The following SLC12A1 variants were observed in gnomAD, a reference collection of about 807,000 sequenced individuals.
The protein encoded by SLC12A1 is solute carrier family 12 member 1.
Under a neutral mutation model 130.4 loss-of-function variants are expected in SLC12A1, and 89 were observed. The observed-to-expected ratio is 0.68, with a 90% CI of 0.58 to 0.81. The LOEUF (loss-of-function observed/expected upper bound fraction) is 0.81, where lower values mean the gene tolerates loss of function less well. Ranked by LOEUF, SLC12A1 falls within the 40% of genes least tolerant of loss-of-function variation. SLC12A1 has a pLI of 0.00. For missense variants in SLC12A1, 1,310 were observed against 1,336.4 expected, an observed-to-expected ratio of 0.98 and a Z score of 0.31; for synonymous variants, 499 against 460.0, an observed-to-expected ratio of 1.08 and a Z score of -1.09.
intron 2 of SLC12A1, among the ~76,000 whole-genome samples, chr15:48,214,624 A>G (rs960890615): frequency 9.9e-5 from 15 of 152,244 alleles, no homozygotes; most frequent in Non-Finnish European, 1.9e-4. Flanking sequence ...AGGGATAGAA[A>G]TGTATAAACA....
intron 23 of SLC12A1, among the ~76,000 whole-genome samples, chr15:48,290,768 C>T (rs183602839): frequency 1.2e-3 from 175 of 151,804 alleles, no homozygotes; most frequent in Non-Finnish European, 1.8e-3. Context: ...TATTTGTATG[C>T]TAATATTATA....
chr15:48,296,033 G>A (rs1217302819), intron 24 of SLC12A1, among the ~76,000 whole-genome samples: 1 of 152,176 alleles, frequency 6.6e-6, no homozygotes, highest in African/African-American at 2.4e-5. Flanking sequence ...CTTCCTCTGG[G>A]CTGATGCAGC....
intron 5 of SLC12A1, chr15:48,228,165 A>C (rs760170165): frequency 6.6e-6 from 1 of 151,808 alleles, no homozygotes; most frequent in Non-Finnish European, 1.5e-5. Context: ...TGATAATCAG[A>C]CCTCCTAACA....
At position 48,299,171 on chromosome 15, in the gene SLC12A1, T is replaced by C. The variant is rs780002874; in HGVS notation, c.2992T>C (p.Tyr998His). Reference protein sequence around the residue: ...WKVFEEMIEPYRLHESCKDLT... With the variant: ...WKVFEEMIEPHRLHESCKDLT... ...AGTCTTTGAAGAGATGATTGAACCA[T>C]ATCGTCTCCATGAAAGCTGCAAAGA... Residue 998 changes from tyrosine to histidine, a missense_variant, in exon 25 of 27, where the codon TAT (tyrosine) becomes CAT (histidine). Tyr to His is a moderately conservative substitution (Grantham distance 83). Coordinates refer to ENST00000380993, the MANE Select transcript of SLC12A1 (RefSeq NM_000338.3). 1.3e-5 allele frequency: 21 copies of C among 1,607,014 alleles called. No homozygotes were observed. The highest frequency in any genetic ancestry group is 1.6e-4 in the Middle Eastern group (1 of 6,062).
chr15:48,267,753 C>A, intron 18 of SLC12A1, 52 bp downstream of exon 18: 1 of 1,592,586 alleles, frequency 6.3e-7, no homozygotes, highest in African/African-American at 1.3e-5. Context: ...ATTAGTGCTC[C>A]ATGTTAATAA....
In SLC12A1 at chr15:48,269,504, G is replaced by A. The variant is rs11636115; in HGVS notation, c.2296-154G>A. Among the ~76,000 whole-genome samples the A allele has an allele frequency of 8.3e-3, 1,260 of 152,298 alleles. 15 individuals are homozygous for A. Among genetic ancestry groups the A allele is most frequent in the Middle Eastern group, 0.014 (4 of 294 alleles). On this transcript the variant is annotated intron_variant, in intron 18 of 26. Transcript: ENST00000380993. ...GAATTAATCTTTCCATTTTATGCTTGGGTACGGGCATGAAGGACATGCACT... is the reference window on the plus strand; with the variant it reads ...GAATTAATCTTTCCATTTTATGCTTAGGTACGGGCATGAAGGACATGCACT...
intron 9 of SLC12A1, among the ~76,000 whole-genome samples, chr15:48,238,135 T>C (rs1426477069): frequency 6.6e-6 from 1 of 152,254 alleles, no homozygotes; most frequent in African/African-American, 2.4e-5. Context: ...TTACAAGCAA[T>C]GCCTTCTGAT....
intron 2 of SLC12A1, among the ~76,000 whole-genome samples, chr15:48,210,983 A>T (rs1441563512): frequency 6.6e-6 from 1 of 152,224 alleles, no homozygotes; most frequent in East Asian, 1.9e-4. Context: ...ATAAAATGAA[A>T]CTAAAGACTG....
chr15:48,207,506 C>A (rs16960656), intron 1 of SLC12A1, 28 bp from the exon 2 acceptor site: 6 of 395,472 alleles, frequency 1.5e-5, no homozygotes, highest in Non-Finnish European at 2.2e-5. Context: ...TTACTTGGAA[C>A]AAGTTTAATT....
At chr15:48,237,495 A>ATT (rs949455131) in intron 9 of SLC12A1, 3 of 152,272 alleles carry the variant, frequency 2.0e-5, no homozygotes, top group African/African-American at 7.2e-5. Context: ...AGAAGTTTTT[A>ATT]TTTATTTAGC....
At chr15:48,253,758 A>G (rs2041672988) in intron 15 of SLC12A1, among the ~76,000 whole-genome samples, 1 of 152,164 alleles carries the variant, frequency 6.6e-6, no homozygotes, top group African/African-American at 2.4e-5. Flanking sequence ...TGGTAGCAGT[A>G]TTATTTTCCA....
chr15:48,226,741 G>C, intron 5 of SLC12A1, 170 bp downstream of exon 5: 1 of 635,942 alleles, frequency 1.6e-6, no homozygotes. Flanking sequence ...AATAGTCCAG[G>C]TCTACTCTGG....
At chr15:48,274,751 C>T (rs548135334) in intron 20 of SLC12A1, 98 bp downstream of exon 20, 4 of 727,680 alleles carry the variant, frequency 5.5e-6, no homozygotes, top group East Asian at 5.4e-5. Flanking sequence ...ATAGACAAAA[C>T]TCCTTGACAG....
At chr15:48,263,311 C>A (rs2041796258) in intron 17 of SLC12A1, among the ~76,000 whole-genome samples, 2 of 152,112 alleles carry the variant, frequency 1.3e-5, no homozygotes, top group Non-Finnish European at 2.9e-5. Flanking sequence ...ACGCCACTTA[C>A]CTCTTTTCTC....
intron 10 of SLC12A1, among the ~76,000 whole-genome samples, chr15:48,242,216 C>T (rs531044332): frequency 1.3e-5 from 2 of 152,316 alleles, no homozygotes; most frequent in Admixed American, 1.3e-4. Flanking sequence ...CTGCTGCCTG[C>T]AGCCACACCT....
At position 48,240,070 on chromosome 15, in the gene SLC12A1, TCC is replaced by T. The variant is rs1410940147; in HGVS notation, c.1216-1444_1216-1443del. Reference sequence around the variant, plus strand: ...ATATCCATATATATATATATATATATCCATATATATATATATATATCCATATA... The same window carrying T: ...ATATCCATATATATATATATATATATATATATATATATATATATCCATATA... On this transcript the variant is annotated intron_variant, in intron 9 of 26. Coordinates refer to ENST00000380993, the MANE Select transcript of SLC12A1 (RefSeq NM_000338.3). Among the ~76,000 whole-genome samples the T allele has an allele frequency of 3.5e-3, 241 of 68,508 alleles. 22 individuals carry two copies. Among genetic ancestry groups the T allele is most frequent in the African/African-American group, 0.013 (147 of 11,424 alleles). 44.9% of individuals were successfully genotyped at this position (68,508 alleles called of 152,430 possible).
At chr15:48,279,842 G>A (rs1230597754) in intron 20 of SLC12A1, among the ~76,000 whole-genome samples, 2 of 152,170 alleles carry the variant, frequency 1.3e-5, no homozygotes, top group Non-Finnish European at 2.9e-5. Flanking sequence ...GCAAAATAAA[G>A]ACAGATGGCA....
chr15:48,257,926 AC>A (rs1438573456), intron 16 of SLC12A1, among the ~76,000 whole-genome samples: 5 of 152,054 alleles, frequency 3.3e-5, no homozygotes, highest in Non-Finnish European at 5.9e-5. Flanking sequence ...AATTTTTCCA[AC>A]TTTTTTGCTC....
intron 2 of SLC12A1, among the ~76,000 whole-genome samples, chr15:48,219,424 T>C (rs957913744): frequency 2.0e-5 from 3 of 151,888 alleles, no homozygotes; most frequent in African/African-American, 2.4e-5. Context: ...GGCGTGGTGG[T>C]GCACCCCTGT....
Sources: gnomAD v4.1 joint callset for allele counts (sites outside exome capture counted in the v4.1 genomes callset) on GRCh38, gnomAD v4.1.1 for gene constraint, MANE v1.5 for transcripts, NCBI Gene and HGNC (gene_info 2026-07-23, HGNC 2026-07-21) for gene names.